Variants in SETD1A observed in about 807,000 individuals in gnomAD.
SETD1A encodes the protein histone-lysine N-methyltransferase SETD1A.
In SETD1A, 29 loss-of-function variants were observed where a neutral mutation model predicts 149.9. That is an observed-to-expected ratio of 0.19 (90% CI 0.14 to 0.26). The LOEUF (loss-of-function observed/expected upper bound fraction) is 0.26. SETD1A is among the 10% of genes least tolerant of loss of function. SETD1A has a pLI of 1.00. For missense variants in SETD1A, 2,109 were observed against 2,353.1 expected, an observed-to-expected ratio of 0.90 and a Z score of 2.15; for synonymous variants, 1,141 against 968.5, an observed-to-expected ratio of 1.18 and a Z score of -3.31.
Position 30,983,597 on chromosome 16 carries a change from G to C in SETD1A, c.4813-38G>C. 3.8e-6 allele frequency: 6 copies of C among 1,597,488 alleles called. No individual in the cohort carries two copies. Among genetic ancestry groups the C allele is most frequent in the Non-Finnish European group, 5.1e-6 (6 of 1,173,938 alleles). On this transcript the variant is annotated intron_variant, in intron 17 of 18. Coordinates refer to ENST00000262519, the MANE Select transcript of SETD1A (RefSeq NM_014712.3). This position sits in a 1 kb window ranked among gnomAD's most constrained non-coding sequence, Gnocchi z 6.8. Reference sequence around the variant, plus strand: ...CAGGCGTGCTCAGGGGCAGGAAGTGGGGGACTCTTCCCTGACCATCGCATC... The same window carrying C: ...CAGGCGTGCTCAGGGGCAGGAAGTGCGGGACTCTTCCCTGACCATCGCATC...
At chr16:30,981,269 C>G in intron 17 of SETD1A, 89 bp downstream of exon 17, 1 of 1,533,092 alleles carries the variant, frequency 6.5e-7, no homozygotes, top group Non-Finnish European at 8.9e-7. Context: ...CGGTTAAAGC[C>G]TTGCACACTC....
intron 3 of SETD1A, among the ~76,000 whole-genome samples, chr16:30,960,495 C>T (rs904532053): frequency 1.3e-5 from 2 of 152,164 alleles, no homozygotes; most frequent in Non-Finnish European, 2.9e-5. Context: ...CAAAAGTTTC[C>T]TTCCCTGGGC....
intron 13 of SETD1A, among the ~76,000 whole-genome samples, chr16:30,973,425 G>A (rs901643423): frequency 4.6e-5 from 7 of 151,986 alleles, no homozygotes; most frequent in South Asian, 2.1e-4. Flanking sequence ...AGGCCGAGGC[G>A]GGCAGATCAC....
At chr16:30,963,763 C>T (rs748003348) in intron 5 of SETD1A, among the ~76,000 whole-genome samples, 1 of 152,170 alleles carries the variant, frequency 6.6e-6, no homozygotes, top group South Asian at 2.1e-4. Context: ...GAGGCCGAGG[C>T]GGGTGGATCA....
At chr16:30,959,836 C>G (rs1374729315) in intron 3 of SETD1A, among the ~76,000 whole-genome samples, 1 of 151,774 alleles carries the variant, frequency 6.6e-6, no homozygotes, top group Non-Finnish European at 1.5e-5. Context: ...ATGTTGATGA[C>G]TTCCAAGTAT....
In SETD1A at chr16:30,969,472, C is replaced by T. The variant is rs370563811; in HGVS notation, c.2928+10C>T. ...GTCCTCCTCGGAGAAGGTGAGGGCCCGGGCGCCGGCTCCTGGCCGAAGCCT... is the reference window on the plus strand; with the variant it reads ...GTCCTCCTCGGAGAAGGTGAGGGCCTGGGCGCCGGCTCCTGGCCGAAGCCT... On this transcript the variant is annotated intron_variant, in intron 11 of 18. Transcript: ENST00000262519. 8.1e-6 allele frequency: 13 copies of T among 1,603,428 alleles called. No homozygotes were observed. The highest frequency in any genetic ancestry group is 2.7e-5 in the African/African-American group (2 of 74,698).
chr16:30,968,738 C>G (rs530122477), intron 10 of SETD1A, among the ~76,000 whole-genome samples: 44 of 151,948 alleles, frequency 2.9e-4, no homozygotes, highest in Admixed American at 2.2e-3. Flanking sequence ...GAGGCAGAGG[C>G]TGCTGTGAGC....
intron 3 of SETD1A, among the ~76,000 whole-genome samples, chr16:30,960,554 G>C (rs538650234): frequency 6.6e-6 from 1 of 152,172 alleles, no homozygotes; most frequent in East Asian, 1.9e-4. Flanking sequence ...TGTTGTGTTT[G>C]TATGTGCATG....
Position 30,971,604 on chromosome 16 carries a change from C to T in SETD1A, c.3243C>T (p.Pro1081=), listed in dbSNP as rs547949099. 9 of 1,613,970 alleles carry T rather than the reference C, an allele frequency of 5.6e-6. No homozygotes were observed. The highest frequency in any genetic ancestry group is 1.6e-4 in the Middle Eastern group (1 of 6,062). ...CCCTTCCCTCAGCCTCCCCGCCCCCCAGAGAAGTCCCAGTGCCCACGCCAG... is the reference window on the plus strand; with the variant it reads ...CCCTTCCCTCAGCCTCCCCGCCCCCTAGAGAAGTCCCAGTGCCCACGCCAG... The part of the protein sequence containing the change: ...PAALPSASPP[P]REVPVPTPAP... The change falls in exon 13 of 19, where the codon CCC becomes CCT. Residue 1081 remains proline (P), a synonymous_variant. Coordinates refer to ENST00000262519, the MANE Select transcript of SETD1A (RefSeq NM_014712.3).
At position 30,959,112 on chromosome 16, in the gene SETD1A, G is replaced by A. The variant is rs924117524; in HGVS notation, c.172G>A (p.Glu58Lys). 1.9e-6 allele frequency: 3 copies of A among 1,613,212 alleles called. No homozygotes were observed. The highest frequency in any genetic ancestry group is 2.5e-6 in the Non-Finnish European group (3 of 1,179,354). Residue 58 changes from glutamate to lysine, a missense_variant, in exon 3 of 19, where the codon GAA becomes AAA. This residue lies in a region of SETD1A where 75 missense variants were observed against 95.3 expected (regional missense o/e 0.79). Coordinates refer to ENST00000262519, the MANE Select transcript of SETD1A (RefSeq NM_014712.3). Reference sequence around the variant, plus strand: ...CTAGGACTCAAAGTATATACCAGTCGAAGACCTCCAAGACCCCCGTTGCCA... The same window carrying A: ...CTAGGACTCAAAGTATATACCAGTCAAAGACCTCCAAGACCCCCGTTGCCA... ...SVNDSKYIPVEDLQDPRCHVR... is the reference protein window; with the variant it reads ...SVNDSKYIPVKDLQDPRCHVR...
At chr16:30,962,140 C>T (rs1438385282) in intron 4 of SETD1A, among the ~76,000 whole-genome samples, 2 of 150,244 alleles carry the variant, frequency 1.3e-5, no homozygotes, top group African/African-American at 4.9e-5. Context: ...TCTTGGCTCA[C>T]TGCAACCTCC....
intron 4 of SETD1A, among the ~76,000 whole-genome samples, chr16:30,962,222 G>A (rs777687237): frequency 1.3e-5 from 2 of 151,952 alleles, no homozygotes; most frequent in Non-Finnish European, 2.9e-5. Flanking sequence ...GCGCCACTAC[G>A]CCCGGCTAAT....
At position 30,980,994 on chromosome 16, in the gene SETD1A, T is replaced by C; in HGVS notation, c.4693-67T>C. 1 of 1,600,594 alleles carries C rather than the reference T, an allele frequency of 6.2e-7. No homozygotes were observed. Among genetic ancestry groups the C allele is most frequent in the South Asian group, 1.1e-5 (1 of 89,732 alleles). On this transcript the variant is annotated intron_variant, in intron 16 of 18. Transcript: ENST00000262519. The surrounding 1 kb of genome is among the most constrained non-coding windows in gnomAD (Gnocchi z 7.7). ...CAGAACACCCTCTGCCCAGGAAGTC[T>C]GTGGGAAGAGTGAGGGTCTGGGGTG... is the stretch of plus-strand genomic sequence containing the variant.
Position 30,964,207 on chromosome 16 carries a change from C to T in SETD1A, c.753C>T (p.Ser251=). 1.9e-6 allele frequency: 3 copies of T among 1,614,174 alleles called. No homozygotes were observed. The highest frequency in any genetic ancestry group is 2.2e-5 in the South Asian group (2 of 91,086). ...GCTCCCAGGACACAAGCTTCTCCAG[C>T]AGCCGACAAGATACCCCATCTTCCT... ...TPCSQDTSFS[S]SRQDTPSSFG... The change falls in exon 6 of 19, where the codon AGC becomes AGT. Residue 251 remains serine (S), a synonymous_variant. Coordinates refer to ENST00000262519, the MANE Select transcript of SETD1A (RefSeq NM_014712.3).
chr16:30,971,824 A>G (rs572158647), intron 13 of SETD1A, 105 bp downstream of exon 13: 8 of 1,365,212 alleles, frequency 5.9e-6, no homozygotes, highest in Admixed American at 6.5e-5. Flanking sequence ...TTTATTAGAA[A>G]AACATACAAA....
At chr16:30,963,295 A>T in intron 4 of SETD1A, 138 bp from the exon 5 acceptor site, 1 of 695,196 alleles carries the variant, frequency 1.4e-6, no homozygotes, top group Non-Finnish European at 2.3e-6. Context: ...AGGTAGAGTT[A>T]TGGTAGGAGA....
At chr16:30,967,721 T>A in intron 10 of SETD1A, 133 bp downstream of exon 10, 1 of 716,150 alleles carries the variant, frequency 1.4e-6, no homozygotes, top group Non-Finnish European at 2.5e-6. Flanking sequence ...AATGCAGCAG[T>A]TCTGAGAGGT....
Position 30,980,558 on chromosome 16 carries a change from C to T in SETD1A, c.4482C>T (p.Ala1494=), listed in dbSNP as rs754466673. Residue 1494 remains alanine (A), a synonymous_variant, in exon 15 of 19, where the codon GCC becomes GCT. Transcript: ENST00000262519. The surrounding 1 kb of genome is among the most constrained non-coding windows in gnomAD (Gnocchi z 7.7). ...CCCGGGAGCACCAGACAGGCTCAGC[C>T]CGCAGCGAAGGCTACTACCCCATCA... is the stretch of plus-strand genomic sequence containing the variant. ...DGPREHQTGS[A]RSEGYYPISK... is the part of the protein sequence containing the mutation. 6.2e-7 allele frequency: 1 copy of T among 1,614,172 alleles called. No individual in the cohort carries two copies. The highest frequency in any genetic ancestry group is 1.7e-5 in the Admixed American group (1 of 60,032).
chr16:30,964,708 C>CGAG lies in SETD1A; in HGVS notation c.967_968insAGG (p.Thr322_Ala323insGlu). 1 of 1,614,176 alleles carries CGAG rather than the reference C, an allele frequency of 6.2e-7. No individual in the cohort carries two copies. The highest frequency in any genetic ancestry group is 8.5e-7 in the Non-Finnish European group (1 of 1,180,038). The stretch of plus-strand genomic sequence containing the variant: ...TCTCTGCATCTTCAGCCTCCACAAC[C>CGAG]GCCTCCACGGCCATCGCCGCCACCA... On this transcript the variant is annotated inframe_insertion, in exon 7 of 19. Coordinates refer to ENST00000262519, the MANE Select transcript of SETD1A (RefSeq NM_014712.3).
Sources: gnomAD v4.1 joint callset for allele counts (sites outside exome capture counted in the v4.1 genomes callset) on GRCh38, gnomAD v4.1.1 for gene constraint, gnomAD v4.1.1 regional missense constraint, Gnocchi (gnomAD v3.1) non-coding constraint, MANE v1.5 for transcripts, NCBI Gene and HGNC (gene_info 2026-07-23, HGNC 2026-07-21) for gene names.